The following CADM2 variants were observed in gnomAD, a reference collection of about 807,000 sequenced individuals.
The protein encoded by CADM2 is cell adhesion molecule 2.
In CADM2, 12 loss-of-function variants were observed where a neutral mutation model predicts 49.8. That is an observed-to-expected ratio of 0.24 (90% CI 0.15 to 0.39). The LOEUF is 0.39. Ranked by LOEUF, CADM2 falls within the 10% of genes least tolerant of loss-of-function variation. The pLI is 1.00. For synonymous variants in CADM2, 214 were observed against 175.4 expected (o/e 1.22, Z -1.74); for missense variants, 378 against 492.3 (o/e 0.77, Z 2.20).
At chr3:85,163,171 C>T (rs1576018307) in intron 1 of CADM2, among the ~76,000 whole-genome samples, 2 of 152,082 alleles carry the variant, frequency 1.3e-5, no homozygotes, top group South Asian at 4.1e-4. Context: ...TTAACAAAAA[C>T]AATAATACAT....
intron 1 of CADM2, among the ~76,000 whole-genome samples, chr3:85,609,252 C>T (rs2063615590): frequency 6.6e-6 from 1 of 152,040 alleles, no homozygotes; most frequent in Non-Finnish European, 1.5e-5. Context: ...GTGTTAGGGG[C>T]ATGACATGCA....
intron 1 of CADM2, among the ~76,000 whole-genome samples, chr3:85,708,840 G>T (rs2067028125): frequency 1.3e-5 from 2 of 151,884 alleles, no homozygotes; most frequent in Non-Finnish European, 2.9e-5. Context: ...ATACACAAAG[G>T]TTGCACGTGG....
intron 1 of CADM2, among the ~76,000 whole-genome samples, chr3:85,623,727 G>A (rs2064042107): frequency 6.6e-6 from 1 of 152,072 alleles, no homozygotes; most frequent in Admixed American, 6.6e-5. Flanking sequence ...AAATAGCATT[G>A]GTCGCTGAGT....
chr3:85,616,996 T>C (rs1408290834), intron 1 of CADM2, among the ~76,000 whole-genome samples: 1 of 152,142 alleles, frequency 6.6e-6, no homozygotes, highest in African/African-American at 2.4e-5. Flanking sequence ...TCAATGTGTT[T>C]TTCCTCTGCT....
intron 1 of CADM2, among the ~76,000 whole-genome samples, chr3:85,611,248 T>C (rs1196908357): frequency 2.0e-5 from 2 of 101,978 alleles, no homozygotes; most frequent in Non-Finnish European, 2.5e-5. Flanking sequence ...ATACTGCAAA[T>C]GTTTTTTTTT....
chr3:85,601,392 A>G (rs1210207672), intron 1 of CADM2, among the ~76,000 whole-genome samples: 6 of 150,968 alleles, frequency 4.0e-5, no homozygotes, highest in African/African-American at 1.5e-4. Context: ...TTCATTGAAA[A>G]TGACCCATTA....
chr3:85,001,545 G>A (rs1559610877), intron 1 of CADM2, among the ~76,000 whole-genome samples: 1 of 151,892 alleles, frequency 6.6e-6, no homozygotes, highest in Non-Finnish European at 1.5e-5. Context: ...GATCAGAAAG[G>A]CAAGTGATAT....
intron 1 of CADM2, among the ~76,000 whole-genome samples, chr3:85,141,448 T>G (rs576112914): frequency 1.3e-5 from 2 of 152,072 alleles, no homozygotes; most frequent in East Asian, 1.9e-4. Context: ...ATTTGAGGAG[T>G]AGTAGTGATA....
intron 6 of CADM2, among the ~76,000 whole-genome samples, chr3:85,923,638 C>G (rs1039347404): frequency 1.3e-5 from 2 of 151,406 alleles, no homozygotes; most frequent in Admixed American, 1.3e-4. Context: ...AAAAGAAAAT[C>G]CAAAACCTGG....
chr3:85,409,442 T>G (rs2035557554), intron 1 of CADM2, among the ~76,000 whole-genome samples: 1 of 152,160 alleles, frequency 6.6e-6, no homozygotes, highest in African/African-American at 2.4e-5. Context: ...TAAGGAATAC[T>G]AAGAAGTTTG....
intron 1 of CADM2, among the ~76,000 whole-genome samples, chr3:85,724,838 TAAAC>T (rs764773375): frequency 2.1e-4 from 32 of 151,906 alleles, no homozygotes; most frequent in Non-Finnish European, 3.7e-4. Context: ...ATTTTGTACT[TAAAC>T]AATTAAGCCA....
At chr3:85,354,399 T>C (rs888362184) in intron 1 of CADM2, among the ~76,000 whole-genome samples, 12 of 150,188 alleles carry the variant, frequency 8.0e-5, no homozygotes, top group African/African-American at 1.5e-4. Context: ...ATACACCTAA[T>C]GCTAAATGAC....
At chr3:85,503,901 AATGT>A (rs1363482184) in intron 1 of CADM2, among the ~76,000 whole-genome samples, 1 of 152,214 alleles carries the variant, frequency 6.6e-6, no homozygotes, top group East Asian at 1.9e-4. Flanking sequence ...GTTAAGGCAG[AATGT>A]ATTACGTGTG....
At chr3:85,935,293 CT>C (rs1721068270) in intron 6 of CADM2, among the ~76,000 whole-genome samples, 1 of 152,094 alleles carries the variant, frequency 6.6e-6, no homozygotes, top group African/African-American at 2.4e-5. Context: ...TGAAAAGATT[CT>C]GCATAATACT....
At chr3:85,481,246 A>ATATG (rs1553728477) in intron 1 of CADM2, among the ~76,000 whole-genome samples, 1 of 149,128 alleles carries the variant, frequency 6.7e-6, no homozygotes, top group Non-Finnish European at 1.5e-5. Context: ...ATATATATAT[A>ATATG]TGTTTTGTAT....
chr3:85,750,608 T>A (rs2068820116), intron 2 of CADM2, among the ~76,000 whole-genome samples: 1 of 152,110 alleles, frequency 6.6e-6, no homozygotes, highest in African/African-American at 2.4e-5. Flanking sequence ...TATTTTATTA[T>A]TTCCCTTTCT....
chr3:85,965,354 A>AT (rs1301663395), intron 8 of CADM2, among the ~76,000 whole-genome samples: 1 of 150,192 alleles, frequency 6.7e-6, no homozygotes, highest in African/African-American at 2.4e-5. Context: ...ATAATATGAC[A>AT]TACTTTGTAA....
At chr3:85,096,429 A>G (rs2037797944) in intron 1 of CADM2, among the ~76,000 whole-genome samples, 1 of 151,926 alleles carries the variant, frequency 6.6e-6, no homozygotes. Flanking sequence ...GACTTGTTTG[A>G]TGTCTGTCTA....
At chr3:85,522,258 T>C (rs1051627272) in intron 1 of CADM2, among the ~76,000 whole-genome samples, 3 of 152,142 alleles carry the variant, frequency 2.0e-5, no homozygotes, top group African/African-American at 7.2e-5. Context: ...TAATAATACA[T>C]TAATGATTAA....
Sources: allele counts gnomAD v4.1 joint callset (sites outside exome capture counted in the v4.1 genomes callset), GRCh38; gene constraint gnomAD v4.1.1; transcripts MANE v1.5; gene names NCBI Gene and HGNC (gene_info 2026-07-23, HGNC 2026-07-21).